The following SH2D4B variants were observed in gnomAD, a reference collection of about 807,000 sequenced individuals.
SH2D4B encodes SH2 domain containing 4B.
In SH2D4B, 45 loss-of-function variants were observed where a neutral mutation model predicts 61.5. The observed-to-expected ratio is 0.73, with a 90% CI of 0.58 to 0.94. The LOEUF is 0.94. Among genes scored for constraint, SH2D4B ranks in the 40% least tolerant of loss-of-function variants. The pLI, the probability that SH2D4B is intolerant of heterozygous loss-of-function variation, is 0.00. For synonymous variants in SH2D4B, 224 were observed against 220.4 expected, an observed-to-expected ratio of 1.02 and a Z score of -0.14; for missense variants, 572 against 574.2, an observed-to-expected ratio of 1.00 and a Z score of 0.04.
intron 3 of SH2D4B, among the ~76,000 whole-genome samples, chr10:80,587,246 G>T (rs977384022): frequency 6.9e-6 from 1 of 145,654 alleles, no homozygotes; most frequent in Non-Finnish European, 1.5e-5. Context: ...AGCCATTCTC[G>T]TGCCTCTTGA....
intron 5 of SH2D4B, chr10:80,607,152 A>C (rs1417246721): frequency 1.3e-5 from 2 of 152,198 alleles, no homozygotes; most frequent in Non-Finnish European, 1.5e-5. Context: ...AACGAATTCA[A>C]ATCGACTGCT....
intron 3 of SH2D4B, among the ~76,000 whole-genome samples, chr10:80,574,433 C>T (rs1310839537): frequency 4.0e-5 from 6 of 151,834 alleles, no homozygotes; most frequent in Non-Finnish European, 8.8e-5. Context: ...ACTACACCTA[C>T]CCATGCATTT....
chr10:80,552,238 C>T (rs914013130), intron 1 of SH2D4B, among the ~76,000 whole-genome samples: 1 of 152,186 alleles, frequency 6.6e-6, no homozygotes, highest in African/African-American at 2.4e-5. Flanking sequence ...GGTCAGTGAT[C>T]AGTGGACCAG....
At chr10:80,558,390 C>T (rs937717634) in intron 1 of SH2D4B, among the ~76,000 whole-genome samples, 3 of 152,076 alleles carry the variant, frequency 2.0e-5, no homozygotes, top group African/African-American at 7.2e-5. Flanking sequence ...CTTAATTTTT[C>T]CTACTTATCC....
At chr10:80,618,953 C>G (rs992582581) in intron 6 of SH2D4B, among the ~76,000 whole-genome samples, 1 of 152,178 alleles carries the variant, frequency 6.6e-6, no homozygotes, top group African/African-American at 2.4e-5. Context: ...TCTGTTATTG[C>G]AGAGTGTCTT....
At chr10:80,578,220 G>C (rs943498597) in intron 3 of SH2D4B, among the ~76,000 whole-genome samples, 1 of 152,122 alleles carries the variant, frequency 6.6e-6, no homozygotes, top group Non-Finnish European at 1.5e-5. Flanking sequence ...ATCCGCCCAT[G>C]TCAACTTTCC....
chr10:80,622,670 G>T (rs1296601859), intron 6 of SH2D4B, among the ~76,000 whole-genome samples: 1 of 152,120 alleles, frequency 6.6e-6, no homozygotes. Flanking sequence ...GGGTTGGGGA[G>T]GGCAGAACTC....
intron 1 of SH2D4B, among the ~76,000 whole-genome samples, chr10:80,553,407 A>T (rs1373362969): frequency 6.6e-6 from 1 of 152,202 alleles, no homozygotes; most frequent in East Asian, 1.9e-4. Flanking sequence ...AAGGAACAGG[A>T]CTGACAGCAG....
rs1375374586 is a variant in SH2D4B, at chr10:80,569,936, C to T, written c.185-218C>T. ...GGAGAGCTCAGTCTTGGACGCCCAC[C>T]CCCGCAGGCTGGTGTGGCTGTTGCG... On this transcript the variant is annotated intron_variant, in intron 1 of 7. Transcript: ENST00000646907. Among the ~76,000 whole-genome samples, 5 of 152,244 alleles carry T rather than the reference C, an allele frequency of 3.3e-5. No homozygotes were observed. The South Asian group carries it at 1.0e-3, about 32-fold the overall frequency.
intron 6 of SH2D4B, among the ~76,000 whole-genome samples, chr10:80,613,488 T>C (rs1484078764): frequency 6.6e-6 from 1 of 152,264 alleles, no homozygotes; most frequent in African/African-American, 2.4e-5. Context: ...GCCTTGCTGC[T>C]TGCCCATAGG....
At chr10:80,549,166 A>C (rs1471772477) in intron 1 of SH2D4B, among the ~76,000 whole-genome samples, 1 of 142,426 alleles carries the variant, frequency 7.0e-6, no homozygotes, top group African/African-American at 2.7e-5. Context: ...CAGTGGAACA[A>C]AGGCTAGGGA....
intron 1 of SH2D4B, among the ~76,000 whole-genome samples, chr10:80,544,708 G>T (rs1372395721): frequency 6.6e-6 from 1 of 152,222 alleles, no homozygotes; most frequent in African/African-American, 2.4e-5. Flanking sequence ...TGATCTCAGT[G>T]CAGTCCCTGC....
intron 6 of SH2D4B, among the ~76,000 whole-genome samples, chr10:80,630,800 C>A (rs559494907): frequency 6.6e-6 from 1 of 152,264 alleles, no homozygotes; most frequent in East Asian, 1.9e-4. Context: ...GGGATGTGGC[C>A]TCAGTCCAAG....
At chr10:80,555,580 T>A (rs908270030) in intron 1 of SH2D4B, among the ~76,000 whole-genome samples, 2 of 152,186 alleles carry the variant, frequency 1.3e-5, no homozygotes, top group African/African-American at 4.8e-5. Flanking sequence ...CTCTGGTGCA[T>A]ACCTGTGAGT....
intron 1 of SH2D4B, among the ~76,000 whole-genome samples, chr10:80,557,583 T>A (rs1201058267): frequency 1.3e-5 from 2 of 152,166 alleles, no homozygotes. Context: ...TAGTGAACTG[T>A]TGTATATTTT....
chr10:80,594,588 C>T, intron 4 of SH2D4B, among the ~76,000 whole-genome samples: 1 of 152,220 alleles, frequency 6.6e-6, no homozygotes, highest in Admixed American at 6.5e-5. Flanking sequence ...TTTAGTATAA[C>T]TCACTAGTGA....
chr10:80,624,594 G>A (rs944205331), intron 6 of SH2D4B, among the ~76,000 whole-genome samples: 6 of 152,200 alleles, frequency 3.9e-5, no homozygotes, highest in African/African-American at 1.4e-4. Flanking sequence ...CTCAAACCTG[G>A]CTACATGTTA....
intron 3 of SH2D4B, among the ~76,000 whole-genome samples, chr10:80,572,097 G>C (rs557343924): frequency 5.9e-5 from 9 of 152,210 alleles, no homozygotes; most frequent in Middle Eastern, 3.4e-3. Flanking sequence ...TTATTTTACA[G>C]ATGAGGAAAC....
intron 1 of SH2D4B, among the ~76,000 whole-genome samples, chr10:80,555,003 A>C (rs7920378): frequency 1.2e-3 from 44 of 35,498 alleles, no homozygotes; most frequent in African/African-American, 4.8e-3. Context: ...GGCGAGTCTC[A>C]AAAAAAAAAA....
Sources: gnomAD v4.1 joint callset for allele counts (sites outside exome capture counted in the v4.1 genomes callset) on GRCh38, gnomAD v4.1.1 for gene constraint, MANE v1.5 for transcripts, NCBI Gene and HGNC (gene_info 2026-07-23, HGNC 2026-07-21) for gene names.